The following TAMM41 variants were observed in gnomAD, a reference collection of about 807,000 sequenced individuals.
The protein encoded by TAMM41 is TAM41 mitochondrial translocator assembly and maintenance homolog.
Under a neutral mutation model 44.1 loss-of-function variants are expected in TAMM41, and 36 were observed. The observed-to-expected ratio is 0.82, with a 90% CI of 0.63 to 1.08. TAMM41 has a LOEUF of 1.08. Among genes scored for constraint, TAMM41 ranks in the 50% least tolerant of loss-of-function variants. The probability of loss-of-function intolerance (pLI) is 0.00; values close to 1 mark genes in which losing one functional copy is unlikely to be tolerated. For synonymous variants in TAMM41, 164 were observed against 153.1 expected, an observed-to-expected ratio of 1.07 and a Z score of -0.53; for missense variants, 417 against 404.3, an observed-to-expected ratio of 1.03 and a Z score of -0.27.
At chr3:11,744,748 T>TAAA in the TAMM41 span, among the ~76,000 whole-genome samples, 5 of 151,718 alleles carry the variant, frequency 3.3e-5, no homozygotes, top group Non-Finnish European at 5.9e-5. Context: ...GAAAATAGAT[T>TAAA]GGGCATGGTG....
intron 4 of TAMM41, among the ~76,000 whole-genome samples, chr3:11,819,601 A>AGTAAGAAAC (rs1209016435): frequency 6.6e-6 from 1 of 152,200 alleles, no homozygotes; most frequent in Non-Finnish European, 1.5e-5. Flanking sequence ...AAAGAGATAC[A>AGTAAGAAAC]AAAGTATAAC....
the TAMM41 span, among the ~76,000 whole-genome samples, chr3:11,773,173 T>C: frequency 6.6e-6 from 1 of 152,032 alleles, no homozygotes; most frequent in South Asian, 2.1e-4. Context: ...GACAGGCTGG[T>C]CTCAAACTCC....
At chr3:11,747,508 C>A in the TAMM41 span, among the ~76,000 whole-genome samples, 6 of 152,132 alleles carry the variant, frequency 3.9e-5, no homozygotes, top group Non-Finnish European at 8.8e-5. Flanking sequence ...GTGACTCACA[C>A]CTGTAATCCC....
chr3:11,810,469 G>C (rs2078052890), intron 5 of TAMM41, among the ~76,000 whole-genome samples: 1 of 152,124 alleles, frequency 6.6e-6, no homozygotes, highest in South Asian at 2.1e-4. Flanking sequence ...CTAACTCCAA[G>C]TTTCATACAC....
At chr3:11,844,353 T>C in intron 1 of TAMM41, 142 bp from the exon 2 acceptor site, 1 of 707,878 alleles carries the variant, frequency 1.4e-6, no homozygotes, top group Non-Finnish European at 2.3e-6. Flanking sequence ...TGAGCGAGTC[T>C]CTGGAACAAA....
chr3:11,727,133 T>C, the TAMM41 span, among the ~76,000 whole-genome samples: 1 of 152,214 alleles, frequency 6.6e-6, no homozygotes, highest in Non-Finnish European at 1.5e-5. Flanking sequence ...AACAATTCTA[T>C]TGTAAGGTAG....
intron 2 of TAMM41, among the ~76,000 whole-genome samples, chr3:11,840,611 A>G (rs1246919129): frequency 6.6e-6 from 1 of 151,922 alleles, no homozygotes; most frequent in Non-Finnish European, 1.5e-5. Flanking sequence ...AGAACCCACC[A>G]GGCAATTACA....
chr3:11,819,569 C>T (rs927265898), intron 4 of TAMM41, among the ~76,000 whole-genome samples: 37 of 152,250 alleles, frequency 2.4e-4, no homozygotes, highest in African/African-American at 8.2e-4. Flanking sequence ...GGAAAGTGAT[C>T]ATTTAATATG....
chr3:11,785,425 A>G, the TAMM41 span, among the ~76,000 whole-genome samples: 1 of 152,094 alleles, frequency 6.6e-6, no homozygotes, highest in East Asian at 1.9e-4. Flanking sequence ...TCCTGGGTTC[A>G]AGTGATTCTC....
the TAMM41 span, among the ~76,000 whole-genome samples, chr3:11,747,955 A>C: frequency 0.016 from 2,439 of 149,236 alleles, 39 homozygotes; most frequent in Middle Eastern, 0.077. Context: ...GCTCACTGCA[A>C]CCTCTGCCTC....
chr3:11,749,110 G>C, the TAMM41 span, among the ~76,000 whole-genome samples: 1 of 151,172 alleles, frequency 6.6e-6, no homozygotes, highest in Non-Finnish European at 1.5e-5. Flanking sequence ...ATGGGGTTTT[G>C]CTATGTTGGC....
At chr3:11,823,299 A>G (rs1575671065) in intron 4 of TAMM41, among the ~76,000 whole-genome samples, 1 of 134,580 alleles carries the variant, frequency 7.4e-6, no homozygotes. Flanking sequence ...TCTGTTGCCC[A>G]GGCTGGAGTG....
intron 5 of TAMM41, among the ~76,000 whole-genome samples, chr3:11,810,487 C>T (rs1443973166): frequency 6.6e-6 from 1 of 152,148 alleles, no homozygotes; most frequent in African/African-American, 2.4e-5. Context: ...CACTGTGCCT[C>T]GTGGAATGAA....
chr3:11,820,999 T>C (rs941850910), intron 4 of TAMM41, among the ~76,000 whole-genome samples: 1 of 152,226 alleles, frequency 6.6e-6, no homozygotes, highest in Admixed American at 6.5e-5. Context: ...AGTCTGGCAA[T>C]GTCCCAGGGT....
the TAMM41 span, among the ~76,000 whole-genome samples, chr3:11,744,861 T>C: frequency 8.2e-6 from 1 of 122,610 alleles, no homozygotes. Flanking sequence ...ACCTCATCTC[T>C]ACAGGTAATT....
intron 4 of TAMM41, among the ~76,000 whole-genome samples, chr3:11,820,464 C>T (rs1454029762): frequency 6.6e-6 from 1 of 152,166 alleles, no homozygotes; most frequent in African/African-American, 2.4e-5. Flanking sequence ...ACCTAGAAAA[C>T]ACTCCAGGCT....
At chr3:11,770,314 T>C in the TAMM41 span, among the ~76,000 whole-genome samples, 1 of 152,100 alleles carries the variant, frequency 6.6e-6, no homozygotes, top group Non-Finnish European at 1.5e-5. Context: ...ACATGCACCC[T>C]ACCACTACCC....
intron 6 of TAMM41, chr3:11,808,651 T>G: frequency 1.0e-6 from 1 of 978,274 alleles, no homozygotes; most frequent in Non-Finnish European, 1.2e-6. Flanking sequence ...AAATATTTCT[T>G]GATTGACTGA....
At chr3:11,787,645 G>T (rs114621819), downstream of TAMM41, among the ~76,000 whole-genome samples, 7 of 152,292 alleles carry the variant, frequency 4.6e-5, no homozygotes, top group Non-Finnish European at 8.8e-5. Context: ...ATACTATCAT[G>T]ATGTGCCAAG....
Sources: allele counts gnomAD v4.1 joint callset (sites outside exome capture counted in the v4.1 genomes callset), GRCh38; gene constraint gnomAD v4.1.1; transcripts MANE v1.5; gene names NCBI Gene and HGNC (gene_info 2026-07-23, HGNC 2026-07-21).